TSPAN16: variants seen among roughly 807,000 people sequenced by gnomAD.
TSPAN16 encodes tetraspanin-16.
In TSPAN16, 23 loss-of-function variants were observed where a neutral mutation model predicts 25.2. That is an observed-to-expected ratio of 0.91 (90% CI 0.66 to 1.29). The LOEUF (loss-of-function observed/expected upper bound fraction) is 1.29, where lower values mean the gene tolerates loss of function less well. Among genes scored for constraint, TSPAN16 ranks in the 50% most tolerant of loss-of-function variants. The probability of loss-of-function intolerance (pLI) is 0.00; values close to 1 mark genes in which losing one functional copy is unlikely to be tolerated. For missense variants in TSPAN16, 272 were observed against 299.9 expected, an observed-to-expected ratio of 0.91 and a Z score of 0.69; for synonymous variants, 123 against 124.4, an observed-to-expected ratio of 0.99 and a Z score of 0.08.
chr19:11,310,576 G>A (rs2147951157), intron 5 of TSPAN16, among the ~76,000 whole-genome samples: 1 of 151,344 alleles, frequency 6.6e-6, no homozygotes, highest in East Asian at 1.9e-4. Context: ...TCAGGAGGAT[G>A]CCCTGCCAAC....
intron 6 of TSPAN16, chr19:11,325,410 G>C: frequency 6.3e-7 from 1 of 1,581,088 alleles, no homozygotes; most frequent in African/African-American, 1.4e-5. Flanking sequence ...AGCAGCTGCA[G>C]CTGCTGGGCT....
chr19:11,301,208 A>G lies in TSPAN16; in HGVS notation c.350A>G (p.Asp117Gly). The G allele has an allele frequency of 6.2e-7, 1 of 1,613,804 alleles. No homozygotes were observed. Among genetic ancestry groups the G allele is most frequent in the Non-Finnish European group, 8.5e-7 (1 of 1,179,850 alleles). The change falls in exon 4 of 7, where the codon GAT (aspartate) becomes GGT (glycine). Residue 117 changes from aspartate (D) to glycine (G), a missense_variant. By Grantham distance (94) the Asp-to-Gly change is moderately conservative. Transcript: ENST00000590327. The stretch of plus-strand genomic sequence containing the variant: ...TCCTGTCCTCTCTGTGAGGTTGGAG[A>G]TGTGGCCTTGGAACACACCTTCGTG... Reference protein sequence around the residue: ...VVLLFFPIVGDVALEHTFVTL... With the variant: ...VVLLFFPIVGGVALEHTFVTL...
intron 6 of TSPAN16, 33 bp downstream of exon 6, chr19:11,312,255 G>A: frequency 6.7e-7 from 1 of 1,486,860 alleles, no homozygotes; most frequent in Non-Finnish European, 9.2e-7. Flanking sequence ...TCTTTGAGCT[G>A]TTTTATTAAG....
At chr19:11,309,386 A>T (rs2080666015) in intron 5 of TSPAN16, among the ~76,000 whole-genome samples, 1 of 152,206 alleles carries the variant, frequency 6.6e-6, no homozygotes, top group Non-Finnish European at 1.5e-5. Flanking sequence ...TACACAACCT[A>T]CCTGTCACCT....
At chr19:11,320,995 C>T (rs935477859) in intron 6 of TSPAN16, among the ~76,000 whole-genome samples, 1 of 151,912 alleles carries the variant, frequency 6.6e-6, no homozygotes, top group African/African-American at 2.4e-5. Flanking sequence ...GTGGTGAAAC[C>T]CCGTCTCTAC....
chr19:11,314,270 G>A (rs1358480746), intron 6 of TSPAN16, among the ~76,000 whole-genome samples: 1 of 152,280 alleles, frequency 6.6e-6, no homozygotes, highest in East Asian at 1.9e-4. Flanking sequence ...ATATAGTAGT[G>A]ATGGTAGCCC....
At chr19:11,308,405 TCTC>T (rs2080652896) in intron 5 of TSPAN16, among the ~76,000 whole-genome samples, 1 of 151,592 alleles carries the variant, frequency 6.6e-6, no homozygotes. Flanking sequence ...TTCAGGTGAT[TCTC>T]CTGCCTCAGC....
intron 4 of TSPAN16, among the ~76,000 whole-genome samples, chr19:11,302,528 CAAAAAAAAAA>C (rs71164181): frequency 8.1e-5 from 4 of 49,270 alleles, no homozygotes; most frequent in African/African-American, 3.2e-4. Flanking sequence ...GGCTCCATCT[CAAAAAAAAAA>C]AAAAAAAAAA....
At chr19:11,321,135 C>T (rs1337933060) in intron 6 of TSPAN16, among the ~76,000 whole-genome samples, 1 of 151,206 alleles carries the variant, frequency 6.6e-6, no homozygotes, top group African/African-American at 2.4e-5. Flanking sequence ...CACCACTGCA[C>T]TCCAGCTGGG....
At position 11,297,043 on chromosome 19, in the gene TSPAN16, TA is replaced by T. The variant is rs1359980386; in HGVS notation, c.69+684del. On this transcript the variant is annotated intron_variant, in intron 1 of 6. Transcript: ENST00000590327. ...GCAACATAGCGAGACTCTGTCTCAA[TA>T]AAAAAATAAAAGAATAAAAACATAA... Among the ~76,000 whole-genome samples, 498 of 151,970 alleles carry T rather than the reference TA, an allele frequency of 3.3e-3. 3 individuals carry two copies. Among genetic ancestry groups the T allele is most frequent in the African/African-American group, 0.012 (479 of 41,460 alleles).
chr19:11,306,039 G>T (rs1276147262), intron 4 of TSPAN16, among the ~76,000 whole-genome samples: 1 of 152,082 alleles, frequency 6.6e-6, no homozygotes, highest in African/African-American at 2.4e-5. Context: ...AGGACAAGGA[G>T]GGTGGATCAC....
intron 6 of TSPAN16, among the ~76,000 whole-genome samples, chr19:11,315,317 G>A (rs2080736605): frequency 6.7e-6 from 1 of 150,016 alleles, no homozygotes; most frequent in African/African-American, 2.4e-5. Context: ...CAGCACTGTG[G>A]GAGGCCGAGG....
At chr19:11,304,804 G>T (rs547276698) in intron 4 of TSPAN16, among the ~76,000 whole-genome samples, 3 of 151,968 alleles carry the variant, frequency 2.0e-5, no homozygotes, top group African/African-American at 7.3e-5. Flanking sequence ...GATTACAGGC[G>T]TGAGCCACTG....
intron 6 of TSPAN16, chr19:11,325,706 G>T: frequency 1.1e-6 from 1 of 912,482 alleles, no homozygotes; most frequent in South Asian, 1.7e-5. Flanking sequence ...TGGGACCTTG[G>T]TTGTGTGCCT....
chr19:11,306,726 C>T lies in TSPAN16; in HGVS notation c.573C>T (p.Arg191=), dbSNP rs759677941. The change falls in exon 5 of 7, where the codon CGC becomes CGT. Residue 191 remains arginine (R), a synonymous_variant. Coordinates refer to ENST00000590327, the MANE Select transcript of TSPAN16 (RefSeq NM_001282509.2). ...TCGGAAGTGTGTCCTGTGACGGACG[C>T]GATGTGTCTCCAAACGTCATCCACC... ...KSIGSVSCDG[R]DVSPNVIHQK... 1.4e-5 allele frequency: 23 copies of T among 1,614,058 alleles called. No homozygotes were observed. Among genetic ancestry groups the T allele is most frequent in the African/African-American group, 1.1e-4 (8 of 75,042 alleles).
At chr19:11,316,087 GT>G, downstream of TSPAN16, 4 of 144,494 alleles carry the variant, frequency 2.8e-5, no homozygotes, top group East Asian at 4.7e-4. Context: ...ATTATTCTTG[GT>G]GTGTGTGTGT....
At chr19:11,303,206 G>C (rs322156) in intron 4 of TSPAN16, among the ~76,000 whole-genome samples, 1 of 141,938 alleles carries the variant, frequency 7.0e-6, no homozygotes, top group African/African-American at 2.9e-5. Context: ...ATTTTGTTCT[G>C]TACTAAGAAA....
At chr19:11,299,009 G>A in intron 3 of TSPAN16, 63 bp downstream of exon 3, 1 of 1,522,560 alleles carries the variant, frequency 6.6e-7, no homozygotes, top group African/African-American at 1.4e-5. Flanking sequence ...GACGGGCACA[G>A]TGGCTCACGC....
At chr19:11,315,233 C>CT (rs2062320068) in intron 6 of TSPAN16, among the ~76,000 whole-genome samples, 1 of 101,440 alleles carries the variant, frequency 9.9e-6, no homozygotes, top group Admixed American at 1.1e-4. Flanking sequence ...GAGACTCCTT[C>CT]TCAATAATAA....
Sources: gnomAD v4.1 joint callset for allele counts (sites outside exome capture counted in the v4.1 genomes callset) on GRCh38, gnomAD v4.1.1 for gene constraint, MANE v1.5 for transcripts, NCBI Gene and HGNC (gene_info 2026-07-23, HGNC 2026-07-21) for gene names.